The following NPAT variants were observed in gnomAD, a reference collection of about 807,000 sequenced individuals.
The protein encoded by NPAT is protein NPAT.
NPAT carries 52 observed loss-of-function variants against 130.7 expected under a neutral mutation model. The observed-to-expected ratio is 0.40, with a 90% CI of 0.32 to 0.50. NPAT has a LOEUF of 0.50. Among genes scored for constraint, NPAT ranks in the 20% least tolerant of loss-of-function variants. The pLI is 0.68. For missense variants in NPAT, 1,687 were observed against 1,662.6 expected, an observed-to-expected ratio of 1.01 and a Z score of -0.26; for synonymous variants, 580 against 584.8, an observed-to-expected ratio of 0.99 and a Z score of 0.12.
intron 10 of NPAT, among the ~76,000 whole-genome samples, chr11:108,179,625 C>T (rs527933386): frequency 6.6e-6 from 1 of 152,184 alleles, no homozygotes; most frequent in East Asian, 1.9e-4. Flanking sequence ...GGAAGGGTGG[C>T]TTATCCTCGT....
At chr11:108,184,529 A>C (rs928761773) in intron 10 of NPAT, among the ~76,000 whole-genome samples, 1 of 89,714 alleles carries the variant, frequency 1.1e-5, no homozygotes. Context: ...GATTCATTAC[A>C]TATTTTTTCT....
chr11:108,220,600 G>T (rs1257597019), intron 1 of NPAT, among the ~76,000 whole-genome samples: 1 of 152,034 alleles, frequency 6.6e-6, no homozygotes, highest in Non-Finnish European at 1.5e-5. Context: ...GATGGCGAGG[G>T]GGTACTGATA....
chr11:108,198,721 T>TG (rs2078247309), intron 1 of NPAT, among the ~76,000 whole-genome samples: 1 of 152,184 alleles, frequency 6.6e-6, no homozygotes, highest in Non-Finnish European at 1.5e-5. Context: ...TCTGAGCCCA[T>TG]GAAAACCTCA....
chr11:108,172,282 G>C lies in NPAT; in HGVS notation c.2702C>G (p.Pro901Arg), dbSNP rs758152287. The C allele has an allele frequency of 1.2e-6, 2 of 1,614,086 alleles. No individual in the cohort carries two copies. The highest frequency in any genetic ancestry group is 4.5e-5 in the East Asian group (2 of 44,880). ...PGNSAPMTAQ[P>R]LPPQLQTPPR... ...TGGTGTCTGTAACTGAGGTGGTAGA[G>C]GTTGAGCAGTCATAGGTGCAGAATT... is the stretch of plus-strand genomic sequence containing the variant. The change falls in exon 13 of 18, where the codon CCT (proline) becomes CGT (arginine). Residue 901 changes from proline to arginine, a missense_variant. Around this residue, in one of 3 missense-constraint regions of NPAT, gnomAD observed 1,379 missense variants for 1,346.6 expected, o/e 1.02. Transcript: ENST00000278612.
intron 11 of NPAT, 46 bp downstream of exon 11, chr11:108,176,948 T>C (rs757818804): frequency 1.6e-5 from 20 of 1,272,594 alleles, no homozygotes; most frequent in African/African-American, 5.9e-5. Context: ...ACCAAAGAAA[T>C]TGTAGAAGCC....
At chr11:108,196,914 T>C (rs1055766258) in intron 2 of NPAT, among the ~76,000 whole-genome samples, 4 of 152,282 alleles carry the variant, frequency 2.6e-5, no homozygotes, top group South Asian at 2.1e-4. Flanking sequence ...ATGTACCAAA[T>C]GATGGTTTGT....
At chr11:108,219,617 A>C (rs2078465177) in intron 1 of NPAT, among the ~76,000 whole-genome samples, 2 of 152,214 alleles carry the variant, frequency 1.3e-5, no homozygotes, top group South Asian at 4.1e-4. Flanking sequence ...CTAATAAAAC[A>C]AAAAACCAAG....
At position 108,173,920 on chromosome 11, in the gene NPAT, A is replaced by C. The variant is rs1038591767; in HGVS notation, c.1133-69T>G. The C allele has an allele frequency of 6.5e-6, 9 of 1,386,388 alleles. No homozygotes were observed. The South Asian group carries it at 7.0e-5, about 11-fold the overall frequency. The allele number at this position is 1,386,388 out of a possible 1,614,324, so 85.9% of individuals were successfully genotyped here. The stretch of plus-strand genomic sequence containing the variant: ...AGCTTCTGAGGTAGTCATTTTTGCC[A>C]TAAAACTTATTTTGCCAAGAAAATA... On this transcript the variant is annotated intron_variant, in intron 12 of 17. Transcript: ENST00000278612.
chr11:108,211,231 A>G (rs748964949), intron 1 of NPAT, among the ~76,000 whole-genome samples: 1 of 151,724 alleles, frequency 6.6e-6, no homozygotes, highest in Non-Finnish European at 1.5e-5. Context: ...AAAAGAAAAG[A>G]AACAAAGTGA....
Position 108,190,498 on chromosome 11 carries a change from C to G in NPAT, c.293G>C (p.Ser98Thr). 1 of 1,613,570 alleles carries G rather than the reference C, an allele frequency of 6.2e-7. No individual in the cohort carries two copies. Among genetic ancestry groups the G allele is most frequent in the African/African-American group, 1.3e-5 (1 of 74,998 alleles). Residue 98 changes from serine (S) to threonine (T), a missense_variant and splice_region_variant, in exon 5 of 18, where the codon AGC becomes ACC. Ser to Thr is a moderately conservative substitution (Grantham distance 58). This residue lies in a region of NPAT where 307 missense variants were observed against 298.9 expected (regional missense o/e 1.03). Transcript: ENST00000278612. The stretch of plus-strand genomic sequence containing the variant: ...AGCAAACCTTGGGGAACTTTGCATG[C>G]TCCTAACAAAGAAAACAAAGTAGTT... ...KLDHTLSQIR[S>T]MQSSPRFAGS...
chr11:108,189,167 T>G lies in NPAT; in HGVS notation c.495A>C (p.Ser165=). The change falls in exon 6 of 18, where the codon TCA becomes TCC. Residue 165 remains serine, a synonymous_variant. Transcript: ENST00000278612. Reference sequence around the variant, plus strand: ...CTACAAAATATGACCTCGATGGATCTGAAATTTGGCCACTTGGTCGAGTAA... The same window carrying G: ...CTACAAAATATGACCTCGATGGATCGGAAATTTGGCCACTTGGTCGAGTAA... The part of the protein sequence containing the change: ...TQVTRPSGQI[S]DPSRSYFVVV... 6.2e-7 allele frequency: 1 copy of G among 1,614,202 alleles called. No individual in the cohort carries two copies. Among genetic ancestry groups the G allele is most frequent in the Middle Eastern group, 1.6e-4 (1 of 6,062 alleles).
At chr11:108,191,405 A>G (rs184980349) in intron 4 of NPAT, among the ~76,000 whole-genome samples, 1 of 152,322 alleles carries the variant, frequency 6.6e-6, no homozygotes, top group African/African-American at 2.4e-5. Context: ...AAAGTCACAG[A>G]CACGGTGCCA....
intron 2 of NPAT, among the ~76,000 whole-genome samples, chr11:108,194,318 T>A (rs2078199834): frequency 6.6e-6 from 1 of 152,212 alleles, no homozygotes; most frequent in Non-Finnish European, 1.5e-5. Flanking sequence ...CAAGCATTTG[T>A]ATCATCTAGC....
intron 1 of NPAT, among the ~76,000 whole-genome samples, chr11:108,201,902 T>C (rs951465760): frequency 1.3e-5 from 2 of 152,188 alleles, no homozygotes; most frequent in African/African-American, 4.8e-5. Flanking sequence ...AGAGAGGACC[T>C]TGAAGAAACC....
At position 108,192,178 on chromosome 11, in the gene NPAT, T is replaced by A. The variant is rs755534694; in HGVS notation, c.230A>T (p.Asn77Ile). The A allele has an allele frequency of 6.2e-7, 1 of 1,601,300 alleles. No individual in the cohort carries two copies. The highest frequency in any genetic ancestry group is 1.3e-5 in the African/African-American group (1 of 74,646). The change falls in exon 4 of 18, where the codon AAT becomes ATT. Residue 77 changes from asparagine (N) to isoleucine (I), a missense_variant. By Grantham distance (149) the Asn-to-Ile change is moderately radical. Coordinates refer to ENST00000278612, the MANE Select transcript of NPAT (RefSeq NM_002519.3). ...VAMKTKETSN[N>I]VPAIMSSLWK... ...TAGAGATGACATTATTGCTGGGACA[T>A]TATTTGATGTTTCTAAATCATAGGA...
intron 10 of NPAT, among the ~76,000 whole-genome samples, chr11:108,179,212 A>G (rs1332260425): frequency 1.3e-5 from 2 of 152,226 alleles, no homozygotes; most frequent in Admixed American, 6.5e-5. Flanking sequence ...TACACCATAT[A>G]TGAAAATTTA....
chr11:108,189,075 C>G, intron 6 of NPAT, 31 bp downstream of exon 6: 2 of 1,562,002 alleles, frequency 1.3e-6, no homozygotes, highest in Non-Finnish European at 8.8e-7. Flanking sequence ...TGATTAACAA[C>G]AAAATTTAAG....
At chr11:108,200,657 G>A (rs956818212) in intron 1 of NPAT, among the ~76,000 whole-genome samples, 9 of 152,124 alleles carry the variant, frequency 5.9e-5, no homozygotes, top group African/African-American at 1.9e-4. Context: ...AGCCATCACT[G>A]ATAACTCAAG....
intron 1 of NPAT, among the ~76,000 whole-genome samples, chr11:108,211,816 G>A (rs1274014848): frequency 6.6e-6 from 1 of 152,128 alleles, no homozygotes; most frequent in Non-Finnish European, 1.5e-5. Context: ...TGGGTATGGT[G>A]GCATGTGCCT....
Sources: gnomAD v4.1 joint callset for allele counts (sites outside exome capture counted in the v4.1 genomes callset) on GRCh38, gnomAD v4.1.1 for gene constraint, gnomAD v4.1.1 regional missense constraint, MANE v1.5 for transcripts, NCBI Gene and HGNC (gene_info 2026-07-23, HGNC 2026-07-21) for gene names.